Variants in COL24A1 observed in about 807,000 individuals in gnomAD.
COL24A1 encodes the protein collagen type XXIV alpha 1 chain.
In COL24A1, 224 loss-of-function variants were observed where a neutral mutation model predicts 253.9. The ratio of observed to expected loss-of-function variants is 0.88; its 90% CI spans 0.79 to 0.99. The LOEUF (loss-of-function observed/expected upper bound fraction) is 0.99. COL24A1 is among the 50% of genes least tolerant of loss of function. The pLI, the probability that COL24A1 is intolerant of heterozygous loss-of-function variation, is 0.00. For synonymous variants in COL24A1, 685 were observed against 673.7 expected, an observed-to-expected ratio of 1.02 and a Z score of -0.26; for missense variants, 2,131 against 2,068.5, an observed-to-expected ratio of 1.03 and a Z score of -0.59.
chr1:85,834,692 T>G (rs1019628260), intron 43 of COL24A1, among the ~76,000 whole-genome samples: 2 of 152,218 alleles, frequency 1.3e-5, no homozygotes, highest in African/African-American at 4.8e-5. Flanking sequence ...TAAGTTTAGC[T>G]TGAGTTAATC....
chr1:86,005,206 C>T (rs1486439603), intron 19 of COL24A1, among the ~76,000 whole-genome samples: 2 of 152,052 alleles, frequency 1.3e-5, no homozygotes, highest in Admixed American at 6.6e-5. Flanking sequence ...AGTTAAGATA[C>T]AGCAAATCTA....
chr1:86,142,524 A>G (rs1651279424), intron 2 of COL24A1, among the ~76,000 whole-genome samples: 1 of 149,518 alleles, frequency 6.7e-6, no homozygotes, highest in Non-Finnish European at 1.5e-5. Flanking sequence ...CACTGCCTCA[A>G]AAAAAAAAAC....
intron 50 of COL24A1, 101 bp from the exon 51 acceptor site, chr1:85,783,659 A>T: frequency 2.8e-6 from 3 of 1,063,714 alleles, no homozygotes; most frequent in Non-Finnish European, 4.3e-6. Flanking sequence ...TTAAAAATGG[A>T]ATATAATACT....
chr1:85,775,169 CGTT>C (rs1325079049), intron 53 of COL24A1, among the ~76,000 whole-genome samples: 6 of 151,924 alleles, frequency 3.9e-5, no homozygotes, highest in Non-Finnish European at 8.8e-5. Context: ...GTTTCCATGT[CGTT>C]GTGCAGTTTT....
chr1:86,037,462 T>C (rs920022954), intron 12 of COL24A1, among the ~76,000 whole-genome samples: 2 of 152,196 alleles, frequency 1.3e-5, no homozygotes, highest in African/African-American at 4.8e-5. Flanking sequence ...TGTGGGTGAC[T>C]CTGCAAACTC....
At chr1:86,132,073 G>A (rs61803674) in intron 2 of COL24A1, among the ~76,000 whole-genome samples, 20,602 of 152,162 alleles carry the variant, frequency 0.14, 1,562 homozygotes, top group East Asian at 0.29. Context: ...GGTGTGAGAT[G>A]GTGTTTCACT....
At position 85,744,612 on chromosome 1, in the gene COL24A1, C is replaced by T. The variant is rs2100932398; in HGVS notation, c.4672+54G>A. 4 of 1,446,742 alleles carry T rather than the reference C, an allele frequency of 2.8e-6. No individual in the cohort carries two copies. In the South Asian group the frequency reaches 5.1e-5, roughly 18 times the overall value. The allele number at this position is 1,446,742 out of a possible 1,614,324, so 89.6% of individuals were successfully genotyped here. A position where few individuals can be genotyped will look rare whatever the true frequency, so the allele number is the denominator to read the frequency against. On this transcript the variant is annotated intron_variant, in intron 57 of 59. Coordinates refer to ENST00000370571, the MANE Select transcript of COL24A1 (RefSeq NM_152890.7). ...GAACACATTACAAATCTCAAACACACTGAAATGATGAAATGAAATTCACTA... is the reference window on the plus strand; with the variant it reads ...GAACACATTACAAATCTCAAACACATTGAAATGATGAAATGAAATTCACTA...
chr1:85,933,263 G>A (rs1687960609), intron 24 of COL24A1, among the ~76,000 whole-genome samples: 1 of 152,160 alleles, frequency 6.6e-6, no homozygotes, highest in Non-Finnish European at 1.5e-5. Context: ...TCTAATTTTT[G>A]CTGTCAGCCA....
At chr1:86,024,656 C>A (rs1340526883) in intron 14 of COL24A1, among the ~76,000 whole-genome samples, 1 of 152,126 alleles carries the variant, frequency 6.6e-6, no homozygotes, top group African/African-American at 2.4e-5. Context: ...ATACATGATG[C>A]TTGTAATTTC....
At chr1:86,102,079 C>G (rs1704508611) in intron 5 of COL24A1, among the ~76,000 whole-genome samples, 1 of 128,476 alleles carries the variant, frequency 7.8e-6, no homozygotes, top group South Asian at 2.3e-4. Flanking sequence ...CATTTTTGGT[C>G]TGTTAAGGAA....
chr1:85,859,890 G>A (rs1021698675), intron 37 of COL24A1, among the ~76,000 whole-genome samples: 1 of 152,148 alleles, frequency 6.6e-6, no homozygotes, highest in African/African-American at 2.4e-5. Flanking sequence ...GGCTGAGGCA[G>A]GAGAATTCCT....
At chr1:85,967,780 A>G (rs754576424) in intron 22 of COL24A1, among the ~76,000 whole-genome samples, 8 of 152,164 alleles carry the variant, frequency 5.3e-5, no homozygotes, top group Non-Finnish European at 7.4e-5. Flanking sequence ...TTGCGCTCCT[A>G]TGAGAATCTA....
intron 4 of COL24A1, among the ~76,000 whole-genome samples, chr1:86,115,078 C>T (rs1489038471): frequency 6.6e-6 from 1 of 152,156 alleles, no homozygotes; most frequent in Non-Finnish European, 1.5e-5. Context: ...CCAGAACAGC[C>T]ACTAATTTAC....
At chr1:86,057,097 T>TG (rs1700718736) in intron 10 of COL24A1, among the ~76,000 whole-genome samples, 2 of 152,178 alleles carry the variant, frequency 1.3e-5, no homozygotes, top group South Asian at 4.1e-4. Context: ...GTGACTGGAT[T>TG]GGGGGGCGGA....
At chr1:86,050,256 A>C in intron 10 of COL24A1, 79 bp from the exon 11 acceptor site, 1 of 1,252,738 alleles carries the variant, frequency 8.0e-7, no homozygotes, top group Non-Finnish European at 1.1e-6. Flanking sequence ...AAGTACTTAA[A>C]ATTTTATTTG....
At chr1:86,129,838 G>T (rs1420837929) in intron 2 of COL24A1, among the ~76,000 whole-genome samples, 1 of 151,756 alleles carries the variant, frequency 6.6e-6, no homozygotes, top group East Asian at 1.9e-4. Context: ...TAAGCACTCG[G>T]AAAGGTGTTT....
intron 14 of COL24A1, among the ~76,000 whole-genome samples, chr1:86,024,931 A>G (rs1697881896): frequency 6.6e-6 from 1 of 152,162 alleles, no homozygotes; most frequent in Non-Finnish European, 1.5e-5. Flanking sequence ...CTTCAGATGA[A>G]TGTACTTTGT....
intron 5 of COL24A1, among the ~76,000 whole-genome samples, chr1:86,110,604 C>T (rs1208529855): frequency 2.0e-5 from 3 of 151,916 alleles, no homozygotes; most frequent in Non-Finnish European, 4.4e-5. Context: ...CGCTCGCGAG[C>T]GAGCGCGAGT....
chr1:85,948,416 C>T (rs996502113), intron 24 of COL24A1, among the ~76,000 whole-genome samples: 1 of 145,828 alleles, frequency 6.9e-6, no homozygotes, highest in African/African-American at 2.5e-5. Flanking sequence ...CCCAGCTACT[C>T]GGGAGGCTGA....
Sources: allele counts gnomAD v4.1 joint callset (sites outside exome capture counted in the v4.1 genomes callset), GRCh38; gene constraint gnomAD v4.1.1; transcripts MANE v1.5; gene names NCBI Gene and HGNC (gene_info 2026-07-23, HGNC 2026-07-21).